Variants in IGF1 observed in about 807,000 individuals in gnomAD.
IGF1 encodes insulin like growth factor 1.
In IGF1, 4 loss-of-function variants were observed where a neutral mutation model predicts 13.8. The ratio of observed to expected loss-of-function variants is 0.29; its 90% confidence interval spans 0.14 to 0.66. The LOEUF (loss-of-function observed/expected upper bound fraction) is 0.66, where lower values mean the gene tolerates loss of function less well. Among genes scored for constraint, IGF1 ranks in the 30% least tolerant of loss-of-function variants. The pLI, the probability that IGF1 is intolerant of heterozygous loss-of-function variation, is 0.78. For missense variants in IGF1, 124 were observed against 188.5 expected, an observed-to-expected ratio of 0.66 and a Z score of 2.00; for synonymous variants, 76 against 72.6, an observed-to-expected ratio of 1.05 and a Z score of -0.23.
At chr12:102,462,787 A>G (rs563981692) in intron 2 of IGF1, 1 of 152,322 alleles carries the variant, frequency 6.6e-6, no homozygotes, top group South Asian at 2.1e-4. Context: ...CTCTACACCA[A>G]ATTGAGAGAC....
intron 1 of IGF1, chr12:102,478,473 A>C: frequency 6.3e-7 from 1 of 1,588,608 alleles, no homozygotes; most frequent in East Asian, 2.2e-5. Context: ...CAACAGTCAT[A>C]AGAAAATACT....
At chr12:102,435,844 T>G (rs1225478409) in intron 2 of IGF1, among the ~76,000 whole-genome samples, 1 of 152,234 alleles carries the variant, frequency 6.6e-6, no homozygotes, top group Non-Finnish European at 1.5e-5. Context: ...CTTTTAGAGT[T>G]GCTGTTTCAA....
chr12:102,425,929 A>G (rs1411966972), intron 2 of IGF1, among the ~76,000 whole-genome samples: 1 of 152,214 alleles, frequency 6.6e-6, no homozygotes, highest in African/African-American at 2.4e-5. Flanking sequence ...GCTTTGCTGG[A>G]CAGAAAAATA....
upstream of IGF1, among the ~76,000 whole-genome samples, chr12:102,481,266 C>T (rs150568874): frequency 5.9e-3 from 903 of 152,200 alleles, 2 homozygotes; most frequent in Non-Finnish European, 9.9e-3. Flanking sequence ...ACTGTCCCCT[C>T]CCCACCCCAC....
Position 102,402,574 on chromosome 12 carries a change from T to TA in IGF1, c.403-9dup, listed in dbSNP as rs747667102. On this transcript the variant is annotated splice_polypyrimidine_tract_variant and intron_variant, in intron 3 of 3. Coordinates refer to ENST00000337514, the MANE Select transcript of IGF1 (RefSeq NM_000618.5). ...GTTCTTCAAATGTACTTCCTATAAA[T>TA]AAAGGAGAAAAAGTGACATTAACTT... The TA allele has an allele frequency of 1.3e-6, 1 of 780,666 alleles. No individual in the cohort carries two copies. Among genetic ancestry groups the TA allele is most frequent in the African/African-American group, 1.7e-5 (1 of 59,236 alleles). 48.4% of individuals were successfully genotyped at this position (780,666 alleles called of 1,614,324 possible). A position where few individuals can be genotyped will look rare whatever the true frequency, so the allele number is the denominator to read the frequency against.
intron 2 of IGF1, among the ~76,000 whole-genome samples, chr12:102,443,092 G>A (rs1878012492): frequency 6.6e-6 from 1 of 151,900 alleles, no homozygotes; most frequent in Non-Finnish European, 1.5e-5. Flanking sequence ...CACTCAAGTG[G>A]TAGAACGTAA....
intron 2 of IGF1, among the ~76,000 whole-genome samples, chr12:102,445,419 G>A (rs1176236437): frequency 6.6e-6 from 1 of 152,202 alleles, no homozygotes; most frequent in Non-Finnish European, 1.5e-5. Flanking sequence ...ACCTTGAGCA[G>A]TGGTTTGTAG....
intron 2 of IGF1, among the ~76,000 whole-genome samples, chr12:102,461,787 C>T (rs1471746558): frequency 1.3e-5 from 2 of 152,154 alleles, no homozygotes; most frequent in Non-Finnish European, 2.9e-5. Context: ...GTTCCACCAA[C>T]TTGAGGGAAT....
chr12:102,419,255 A>C (rs1274017664), intron 3 of IGF1, among the ~76,000 whole-genome samples: 2 of 152,180 alleles, frequency 1.3e-5, no homozygotes, highest in Non-Finnish European at 2.9e-5. Context: ...CTTTTGTCTG[A>C]CACCAAAGCC....
intron 2 of IGF1, among the ~76,000 whole-genome samples, chr12:102,448,535 G>T (rs1341191647): frequency 1.7e-5 from 2 of 114,928 alleles, no homozygotes; most frequent in Non-Finnish European, 3.4e-5. Context: ...TCTGGGGACT[G>T]TGGTGGGGTG....
intron 3 of IGF1, chr12:102,417,816 C>G (rs1408337097): frequency 1.2e-6 from 2 of 1,613,440 alleles, no homozygotes; most frequent in African/African-American, 1.3e-5. Context: ...TCCTCCTGTC[C>G]TTCATTTTCC....
At chr12:102,429,543 A>T (rs1340081993) in intron 2 of IGF1, among the ~76,000 whole-genome samples, 1 of 152,186 alleles carries the variant, frequency 6.6e-6, no homozygotes, top group Non-Finnish European at 1.5e-5. Flanking sequence ...GTGTGGTTTA[A>T]GTTACAGTTT....
intron 3 of IGF1, 100 bp downstream of exon 3, chr12:102,419,409 T>C: frequency 8.4e-7 from 1 of 1,197,140 alleles, no homozygotes; most frequent in Non-Finnish European, 1.2e-6. Flanking sequence ...TTCTGACTTG[T>C]AAGCCAGGAG....
At position 102,420,786 on chromosome 12, in the gene IGF1, C is replaced by G. The variant is rs572971306; in HGVS notation, c.221-1096G>C. Among the ~76,000 whole-genome samples, 15 of 152,304 alleles carry G rather than the reference C, an allele frequency of 9.8e-5. No individual in the cohort carries two copies. In the South Asian group the frequency reaches 2.9e-3, roughly 29 times the overall value. On this transcript the variant is annotated intron_variant, in intron 2 of 3. Transcript: ENST00000337514. ...TTTCTCTTCTCCTCCCTTATCTCTC[C>G]TGGTCTTCTCCACGGATGCTCAGGC...
chr12:102,469,241 C>T (rs544745768), intron 2 of IGF1, among the ~76,000 whole-genome samples: 82 of 152,286 alleles, frequency 5.4e-4, no homozygotes, highest in Non-Finnish European at 1.1e-3. Context: ...ATTACTACGA[C>T]TCTAATAGCA....
intron 2 of IGF1, among the ~76,000 whole-genome samples, chr12:102,441,603 G>T (rs1412441519): frequency 6.6e-6 from 1 of 152,154 alleles, no homozygotes; most frequent in East Asian, 1.9e-4. Flanking sequence ...AGAGCTCGTG[G>T]GCAGAGGATG....
chr12:102,445,432 C>G (rs988745726), intron 2 of IGF1, among the ~76,000 whole-genome samples: 1 of 152,164 alleles, frequency 6.6e-6, no homozygotes, highest in Non-Finnish European at 1.5e-5. Flanking sequence ...GTTTGTAGTT[C>G]TCCTTGAAGA....
At chr12:102,439,574 G>C (rs1404564020) in intron 2 of IGF1, among the ~76,000 whole-genome samples, 1 of 152,138 alleles carries the variant, frequency 6.6e-6, no homozygotes, top group Non-Finnish European at 1.5e-5. Flanking sequence ...GGTGTATGTA[G>C]AGAATTATGA....
intron 3 of IGF1, among the ~76,000 whole-genome samples, chr12:102,409,158 G>T (rs1874420425): frequency 6.6e-6 from 1 of 152,156 alleles, no homozygotes; most frequent in Non-Finnish European, 1.5e-5. Context: ...ATAACCCTCA[G>T]TCATTTACCT....
Sources: gnomAD v4.1 joint callset for allele counts (sites outside exome capture counted in the v4.1 genomes callset) on GRCh38, gnomAD v4.1.1 for gene constraint, MANE v1.5 for transcripts, NCBI Gene and HGNC (gene_info 2026-07-23, HGNC 2026-07-21) for gene names.